The following CRLF1 variants were observed in gnomAD, a reference collection of about 807,000 sequenced individuals.
CRLF1 encodes the protein cytokine receptor like factor 1, also known as cytokine receptor-like factor 1.
A neutral mutation model predicts 48.9 loss-of-function variants in CRLF1; 36 were observed. The observed-to-expected ratio is 0.74, with a 90% CI of 0.56 to 0.97. The LOEUF (loss-of-function observed/expected upper bound fraction) is 0.97. Ranked by LOEUF, CRLF1 falls within the 50% of genes least tolerant of loss-of-function variation. The pLI, the probability that CRLF1 is intolerant of heterozygous loss-of-function variation, is 0.00. For synonymous variants in CRLF1, 256 were observed against 253.4 expected, an observed-to-expected ratio of 1.01 and a Z score of -0.10; for missense variants, 534 against 575.1, an observed-to-expected ratio of 0.93 and a Z score of 0.73.
intron 6 of CRLF1, among the ~76,000 whole-genome samples, chr19:18,596,175 A>G (rs1199526104): frequency 6.6e-6 from 1 of 152,220 alleles, no homozygotes; most frequent in Non-Finnish European, 1.5e-5. Context: ...CAGGCCAAAG[A>G]AAATAGATCC....
In CRLF1 at chr19:18,599,642, C is replaced by T. The variant is rs1425488566; in HGVS notation, c.320G>A (p.Arg107Lys). 1.2e-6 allele frequency: 2 copies of T among 1,613,424 alleles called. No individual in the cohort carries two copies. The highest frequency in any genetic ancestry group is 2.2e-5 in the East Asian group (1 of 44,894). ...ALALANLNGS[R>K]QRSGDNLVCH... is the part of the protein sequence containing the mutation. ...CACGAGGTTGTCCCCCGACCGCTGC[C>T]TGGACCCATTGAGGTTGGCCAGGGC... The change falls in exon 2 of 9, where the codon AGG becomes AAG. Residue 107 changes from arginine (R) to lysine (K), a missense_variant. Arg to Lys is a conservative substitution (Grantham distance 26, BLOSUM62 2). Around this residue, in one of 2 missense-constraint regions of CRLF1, gnomAD observed 528 missense variants for 555.7 expected, o/e 0.95. Transcript: ENST00000392386.
chr19:18,595,721 A>G (rs1976123777), intron 6 of CRLF1, among the ~76,000 whole-genome samples: 1 of 152,224 alleles, frequency 6.6e-6, no homozygotes, highest in Admixed American at 6.5e-5. Flanking sequence ...GGGGAAACGG[A>G]GGCCAGACAT....
At chr19:18,594,036 T>TCC in intron 8 of CRLF1, 29 bp downstream of exon 8, 1 of 402,572 alleles carries the variant, frequency 2.5e-6, no homozygotes, top group South Asian at 2.0e-5. Flanking sequence ...CCTTGCTCCC[T>TCC]CCCGCCCACC....
At chr19:18,597,768 TTTTGC>T (rs2145330719) in intron 4 of CRLF1, among the ~76,000 whole-genome samples, 1 of 152,174 alleles carries the variant, frequency 6.6e-6, no homozygotes, top group African/African-American at 2.4e-5. Flanking sequence ...TGATGTGACA[TTTTGC>T]TGGGTGCAGA....
intron 5 of CRLF1, 42 bp from the exon 6 acceptor site, chr19:18,596,832 G>A: frequency 1.2e-6 from 2 of 1,612,930 alleles, no homozygotes; most frequent in Non-Finnish European, 8.5e-7. Flanking sequence ...GCGGGGCCTA[G>A]CAGGAGCGGG....
At position 18,606,497 on chromosome 19, in the gene CRLF1, C is replaced by A; in HGVS notation, c.115+45G>T. On this transcript the variant is annotated intron_variant, in intron 1 of 8. Transcript: ENST00000392386. This position sits in a 1 kb window ranked among gnomAD's most constrained non-coding sequence, Gnocchi z 4.8. ...CCGCGGCTGCCCCCGGGGCGCCCGC[C>A]CTCTGCTCTGGCAGGGGGGAAGGAG... 8.9e-7 allele frequency: 1 copy of A among 1,126,868 alleles called. No homozygotes were observed. The highest frequency in any genetic ancestry group is 1.1e-6 in the Non-Finnish European group (1 of 920,444). The allele number at this position is 1,126,868 out of a possible 1,614,324, so 69.8% of individuals were successfully genotyped here.
intron 1 of CRLF1, among the ~76,000 whole-genome samples, chr19:18,602,622 G>T (rs773265712): frequency 6.6e-6 from 1 of 151,568 alleles, no homozygotes; most frequent in African/African-American, 2.4e-5. Flanking sequence ...TCTCAAAAAA[G>T]AAATAAAAAA....
chr19:18,593,842 G>C (rs1297535760), intron 8 of CRLF1: 1 of 985,326 alleles, frequency 1.0e-6, no homozygotes, highest in Non-Finnish European at 1.2e-6. Context: ...ATTCCACTTC[G>C]GACATTTTCA....
At chr19:18,604,331 T>G (rs1976261134) in intron 1 of CRLF1, among the ~76,000 whole-genome samples, 1 of 152,040 alleles carries the variant, frequency 6.6e-6, no homozygotes, top group Non-Finnish European at 1.5e-5. Flanking sequence ...CAGACCAATC[T>G]CCCACCCCCT....
intron 4 of CRLF1, among the ~76,000 whole-genome samples, chr19:18,597,431 C>CTTTTTTTTTTTTTTTTTTTTTTT: frequency 1.2e-5 from 1 of 81,644 alleles, no homozygotes; most frequent in Non-Finnish European, 2.2e-5. Flanking sequence ...CCCTTCCACT[C>CTTTTTTTTTTTTTTTTTTTTTTT]TTTTTTTTTT....
intron 1 of CRLF1, among the ~76,000 whole-genome samples, chr19:18,604,595 G>C (rs755644075): frequency 1.3e-5 from 2 of 152,150 alleles, no homozygotes; most frequent in African/African-American, 2.4e-5. Context: ...CTGGGGTCCC[G>C]GCTGACTAGG....
chr19:18,597,108 G>GC, intron 4 of CRLF1, 59 bp from the exon 5 acceptor site: 1 of 1,561,744 alleles, frequency 6.4e-7, no homozygotes, highest in East Asian at 2.3e-5. Context: ...ACTCCCCCCA[G>GC]CAGTGTGGCC....
At chr19:18,603,835 G>A (rs945530657) in intron 1 of CRLF1, among the ~76,000 whole-genome samples, 6 of 150,468 alleles carry the variant, frequency 4.0e-5, no homozygotes, top group East Asian at 2.0e-4. Context: ...AGGTCTCCGC[G>A]TCCGTGCGAA....
At position 18,599,792 on chromosome 19, in the gene CRLF1, A is replaced by T; in HGVS notation, c.170T>A (p.Leu57Gln). 1 of 1,578,184 alleles carries T rather than the reference A, an allele frequency of 6.3e-7. No individual in the cohort carries two copies. The highest frequency in any genetic ancestry group is 8.6e-7 in the Non-Finnish European group (1 of 1,159,000). The stretch of plus-strand genomic sequence containing the variant: ...GTCTCCGTGCACTGAGCAGGTGGCC[A>T]GCAGGGAGGAGCCGATGAGAAGCGT... ...DPTLLIGSSL[L>Q]ATCSVHGDPP... Residue 57 changes from leucine (L) to glutamine (Q), a missense_variant, in exon 2 of 9, where the codon CTG becomes CAG. Leu to Gln is a moderately radical substitution (Grantham distance 113). Coordinates refer to ENST00000392386, the MANE Select transcript of CRLF1 (RefSeq NM_004750.5).
At chr19:18,596,336 C>T (rs528081244) in intron 6 of CRLF1, among the ~76,000 whole-genome samples, 32 of 152,130 alleles carry the variant, frequency 2.1e-4, no homozygotes, top group South Asian at 1.0e-3. Context: ...GTCAGGAGTT[C>T]GAGACCAGCC....
chr19:18,594,283 T>C lies in CRLF1; in HGVS notation c.1176A>G (p.Arg392=). The C allele has an allele frequency of 6.2e-7, 1 of 1,611,862 alleles. No homozygotes were observed. Among genetic ancestry groups the C allele is most frequent in the Non-Finnish European group, 8.5e-7 (1 of 1,179,784 alleles). The change falls in exon 7 of 9, where the codon CGA becomes CGG. Residue 392 remains arginine, a synonymous_variant. Transcript: ENST00000392386. ...TCTTGTGCGACTTCTGCATCCAGGC[T>C]CGCCACTGGTCGTAGAGGCGGAAGC... ...NLSFRLYDQW[R]AWMQKSHKTR...
chr19:18,599,477 G>C (rs1324788591), intron 2 of CRLF1, 88 bp downstream of exon 2: 1 of 1,573,224 alleles, frequency 6.4e-7, no homozygotes, highest in South Asian at 1.1e-5. Context: ...CTCATCCCCA[G>C]GCCAGAAGGC....
chr19:18,597,643 G>A (rs529220162), intron 4 of CRLF1, among the ~76,000 whole-genome samples: 17 of 151,886 alleles, frequency 1.1e-4, no homozygotes, highest in South Asian at 2.1e-4. Context: ...TTTTTTAGCC[G>A]GGATGGTCTC....
chr19:18,606,444 G>T lies in CRLF1; in HGVS notation c.115+98C>A. ...GGGCGCCTTCCTTTGTTCCCCGGCC[G>T]TCCAGGTGGCGCCCGCGCCCCCTCC... On this transcript the variant is annotated intron_variant, in intron 1 of 8. Coordinates refer to ENST00000392386, the MANE Select transcript of CRLF1 (RefSeq NM_004750.5). The surrounding 1 kb of genome is among the most constrained non-coding windows in gnomAD (Gnocchi z 4.8). The T allele has an allele frequency of 1.1e-6, 1 of 938,180 alleles. No homozygotes were observed. The highest frequency in any genetic ancestry group is 1.3e-6 in the Non-Finnish European group (1 of 778,614). 58.1% of individuals were successfully genotyped at this position (938,180 alleles called of 1,614,324 possible).
Sources: gnomAD v4.1 joint callset for allele counts (sites outside exome capture counted in the v4.1 genomes callset) on GRCh38, gnomAD v4.1.1 for gene constraint, gnomAD v4.1.1 regional missense constraint, Gnocchi (gnomAD v3.1) non-coding constraint, MANE v1.5 for transcripts, NCBI Gene and HGNC (gene_info 2026-07-23, HGNC 2026-07-21) for gene names.